The following TCN2 variants were observed in gnomAD, a reference collection of about 807,000 sequenced individuals.
The protein encoded by TCN2 is transcobalamin-2.
TCN2 carries 34 observed loss-of-function variants against 48.6 expected under a neutral mutation model. That is an observed-to-expected ratio of 0.70 (90% CI 0.53 to 0.93). TCN2 has a LOEUF of 0.93. Among genes scored for constraint, TCN2 ranks in the 40% least tolerant of loss-of-function variants. The pLI, the probability that TCN2 is intolerant of heterozygous loss-of-function variation, is 0.00. For missense variants in TCN2, 652 were observed against 526.1 expected, an observed-to-expected ratio of 1.24 and a Z score of -2.34; for synonymous variants, 283 against 212.5, an observed-to-expected ratio of 1.33 and a Z score of -2.89.
intron 8 of TCN2, among the ~76,000 whole-genome samples, chr22:30,625,402 TAAA>T (rs10579068): frequency 2.0e-5 from 3 of 149,814 alleles, no homozygotes; most frequent in African/African-American, 2.5e-5. Context: ...TTTTTTAATT[TAAA>T]AAAAAAAAAT....
chr22:30,621,947 C>CT (rs1354933958), intron 7 of TCN2, among the ~76,000 whole-genome samples: 7 of 152,236 alleles, frequency 4.6e-5, no homozygotes, highest in Non-Finnish European at 7.3e-5. Context: ...GATCATGCTG[C>CT]TTTCTCCTGT....
At chr22:30,619,951 T>C (rs10439913) in intron 7 of TCN2, among the ~76,000 whole-genome samples, 101,723 of 151,998 alleles carry the variant, frequency 0.67, 35,279 homozygotes, top group African/African-American at 0.87. Context: ...CCTAGGAGTT[T>C]GAGACCAGCC....
chr22:30,623,318 G>T (rs1389635799), intron 8 of TCN2: 1 of 532,580 alleles, frequency 1.9e-6, no homozygotes, highest in Admixed American at 3.3e-5. Flanking sequence ...AAAACTAGAA[G>T]AAAATTAACA....
At chr22:30,622,930 C>T (rs775748071) in intron 7 of TCN2, 38 bp from the exon 8 acceptor site, 36 of 1,601,230 alleles carry the variant, frequency 2.2e-5, no homozygotes, top group East Asian at 8.9e-5. Context: ...GGGACAACAG[C>T]CACCTCTTCT....
chr22:30,610,506 T>C (rs2087520612), intron 1 of TCN2, among the ~76,000 whole-genome samples: 2 of 152,330 alleles, frequency 1.3e-5, no homozygotes, highest in Middle Eastern at 3.4e-3. Context: ...AAAGCAATGA[T>C]GACAGTATCT....
chr22:30,624,076 ATATATTT>A (rs1569047341), intron 8 of TCN2, among the ~76,000 whole-genome samples: 2 of 97,754 alleles, frequency 2.0e-5, no homozygotes, highest in East Asian at 5.2e-4. Context: ...ATATATATAT[ATATATTT>A]TTTTTTTTTG....
In TCN2 at chr22:30,615,345, T is replaced by C. The variant is rs770602221; in HGVS notation, c.625T>C (p.Ser209Pro). The C allele has an allele frequency of 2.5e-5, 41 of 1,613,982 alleles. No homozygotes were observed. Among genetic ancestry groups the C allele is most frequent in the Non-Finnish European group, 3.3e-5 (39 of 1,180,024 alleles). Residue 209 changes from serine to proline, a missense_variant, in exon 5 of 9, where the codon TCA becomes CCA. Physicochemically the swap from Ser to Pro is moderately conservative, Grantham distance 74. Coordinates refer to ENST00000215838, the MANE Select transcript of TCN2 (RefSeq NM_000355.4). ...CTTGGCATTCACCTGTCTGAAGCGCTCAAACTTCAACCCTGGTCGGAGACA... is the reference window on the plus strand; with the variant it reads ...CTTGGCATTCACCTGTCTGAAGCGCCCAAACTTCAACCCTGGTCGGAGACA... Reference protein sequence around the residue: ...AGLAFTCLKRSNFNPGRRQRI... With the variant: ...AGLAFTCLKRPNFNPGRRQRI...
intron 5 of TCN2, 29 bp from the exon 6 acceptor site, chr22:30,615,572 C>CCT: frequency 6.2e-7 from 1 of 1,613,812 alleles, no homozygotes; most frequent in Admixed American, 1.7e-5. Flanking sequence ...CGGCTGACTT[C>CCT]CTCTCTCTCT....
Position 30,626,769 on chromosome 22 carries a change from G to C in TCN2, c.*248G>C, listed in dbSNP as rs1303686729. The C allele has an allele frequency of 6.8e-6, 4 of 591,338 alleles. No individual in the cohort carries two copies. The highest frequency in any genetic ancestry group is 1.2e-5 in the Non-Finnish European group (4 of 330,438). The allele number at this position is 591,338 out of a possible 1,614,324, so 36.6% of individuals were successfully genotyped here. ...CAAGTCTGGCCAGCCTGGCCCTGCA[G>C]GTCTCCCATGAAGGCCACCCCATGG... is the stretch of plus-strand genomic sequence containing the variant. On this transcript the variant is annotated 3_prime_UTR_variant, in exon 9 of 9. Transcript: ENST00000215838.
chr22:30,623,903 CAT>C lies in TCN2; in HGVS notation c.1222+828_1222+829del, dbSNP rs67404596. Among the ~76,000 whole-genome samples, 142 of 27,138 alleles carry C rather than the reference CAT, an allele frequency of 5.2e-3. 34 individuals carry two copies. The highest frequency in any genetic ancestry group is 9.2e-3 in the South Asian group (16 of 1,744). 17.8% of individuals were successfully genotyped at this position (27,138 alleles called of 152,430 possible). On this transcript the variant is annotated intron_variant, in intron 8 of 8. Coordinates refer to ENST00000215838, the MANE Select transcript of TCN2 (RefSeq NM_000355.4). Reference sequence around the variant, plus strand: ...ATATATACACACATATATATGTATACATATATATACACACATATATATGTATA... The same window carrying C: ...ATATATACACACATATATATGTATACATATATACACACATATATATGTATA...
chr22:30,615,852 T>G (rs1224917839), intron 6 of TCN2, 65 bp downstream of exon 6: 4 of 1,594,036 alleles, frequency 2.5e-6, no homozygotes, highest in East Asian at 4.5e-5. Context: ...GACGTCCCAG[T>G]GAGGGGAGGT....
In TCN2 at chr22:30,607,304, G is replaced by A; in HGVS notation, c.-28G>A. 1 of 1,614,028 alleles carries A rather than the reference G, an allele frequency of 6.2e-7. No individual in the cohort carries two copies. Among genetic ancestry groups the A allele is most frequent in the Non-Finnish European group, 8.5e-7 (1 of 1,179,928 alleles). ...GCCCCAGGAGTCTTTCCCGATTCTTGCTCACTGCTCACCCACCTGCTGCTG... is the reference window on the plus strand; with the variant it reads ...GCCCCAGGAGTCTTTCCCGATTCTTACTCACTGCTCACCCACCTGCTGCTG... On this transcript the variant is annotated 5_prime_UTR_variant, in exon 1 of 9. Coordinates refer to ENST00000215838, the MANE Select transcript of TCN2 (RefSeq NM_000355.4).
At chr22:30,623,562 AACTT>A (rs2087730781) in intron 8 of TCN2, among the ~76,000 whole-genome samples, 1 of 151,672 alleles carries the variant, frequency 6.6e-6, no homozygotes, top group African/African-American at 2.4e-5. Flanking sequence ...AAAATTACTT[AACTT>A]TTCTTCTAGA....
At chr22:30,610,689 C>T (rs2087523967) in intron 1 of TCN2, among the ~76,000 whole-genome samples, 182 bp from the exon 2 acceptor site, 1 of 152,230 alleles carries the variant, frequency 6.6e-6, no homozygotes, top group Non-Finnish European at 1.5e-5. Context: ...ATACACGCTT[C>T]CCCTCTTTTC....
chr22:30,618,839 A>G (rs535172320), intron 7 of TCN2, among the ~76,000 whole-genome samples: 35 of 152,038 alleles, frequency 2.3e-4, no homozygotes, highest in African/African-American at 8.2e-4. Flanking sequence ...GCACAATTTC[A>G]GCTCATGGCA....
At chr22:30,623,646 G>A (rs73398305) in intron 8 of TCN2, among the ~76,000 whole-genome samples, 16,735 of 150,006 alleles carry the variant, frequency 0.11, 2,112 homozygotes, top group African/African-American at 0.3. Flanking sequence ...GAAATTTAAT[G>A]TTGCCCACAT....
chr22:30,616,249 C>T (rs974328817), intron 6 of TCN2, among the ~76,000 whole-genome samples: 6 of 152,028 alleles, frequency 3.9e-5, no homozygotes, highest in South Asian at 4.2e-4. Context: ...TTTGGGAGGC[C>T]GAGGCGGGTG....
At position 30,623,780 on chromosome 22, in the gene TCN2, ATATG is replaced by A. The variant is rs1262994319; in HGVS notation, c.1222+701_1222+704del. Among the ~76,000 whole-genome samples, 16 of 15,284 alleles carry A rather than the reference ATATG, an allele frequency of 1.0e-3. 6 individuals are homozygous for A. Among genetic ancestry groups the A allele is most frequent in the African/African-American group, 2.6e-3 (4 of 1,552 alleles). The allele number at this position is 15,284 out of a possible 152,430, so 10.0% of individuals were successfully genotyped here. On this transcript the variant is annotated intron_variant, in intron 8 of 8. Transcript: ENST00000215838. ...TATGTATATATATATACACACATAT[ATATG>A]TATACATATATACACACATACACAT...
At chr22:30,611,084 T>C in intron 2 of TCN2, 21 bp downstream of exon 2, 1 of 1,613,858 alleles carries the variant, frequency 6.2e-7, no homozygotes, top group Non-Finnish European at 8.5e-7. Flanking sequence ...ACTCTCTTTT[T>C]CCATGTCTTG....
Sources: allele counts gnomAD v4.1 joint callset (sites outside exome capture counted in the v4.1 genomes callset), GRCh38; gene constraint gnomAD v4.1.1; transcripts MANE v1.5; gene names NCBI Gene and HGNC (gene_info 2026-07-23, HGNC 2026-07-21).